UGT2B28: variants seen among roughly 807,000 people sequenced by gnomAD.
The protein encoded by UGT2B28 is UDP-glucuronosyltransferase 2B28.
In UGT2B28, 45 loss-of-function variants were observed where a neutral mutation model predicts 43.6. That is an observed-to-expected ratio of 1.03 (90% CI 0.81 to 1.32). UGT2B28 has a LOEUF of 1.32. Ranked by LOEUF, UGT2B28 falls within the 40% of genes most tolerant of loss-of-function variation. The pLI is 0.00. For missense variants in UGT2B28, 649 were observed against 625.5 expected, an observed-to-expected ratio of 1.04 and a Z score of -0.40; for synonymous variants, 204 against 208.1, an observed-to-expected ratio of 0.98 and a Z score of 0.17.
At chr4:69,286,707 T>C in intron 2 of UGT2B28, 45 bp from the exon 3 acceptor site, 1 of 1,543,168 alleles carries the variant, frequency 6.5e-7, no homozygotes, top group Non-Finnish European at 8.7e-7. Flanking sequence ...TAGTAGTGCC[T>C]GCTGTGGTGA....
chr4:69,284,707 A>G lies in UGT2B28; in HGVS notation c.870+2045A>G, dbSNP rs1295623450. 1.4e-5 allele frequency among the ~76,000 whole-genome samples: 2 copies of G among 140,754 alleles called. 1 individual carries two copies. The highest frequency in any genetic ancestry group is 3.0e-5 in the Non-Finnish European group (2 of 65,804). The allele number at this position is 140,754 out of a possible 152,430, so 92.3% of individuals were successfully genotyped here. A position where few individuals can be genotyped will look rare whatever the true frequency, so the allele number is the denominator to read the frequency against. Reference sequence around the variant, plus strand: ...ATACTAGGTCTTGTTATTAACTTGCAGAAAGTTTTGAATGCAAGTCAATGG... The same window carrying G: ...ATACTAGGTCTTGTTATTAACTTGCGGAAAGTTTTGAATGCAAGTCAATGG... On this transcript the variant is annotated intron_variant, in intron 2 of 5. Coordinates refer to ENST00000335568, the MANE Select transcript of UGT2B28 (RefSeq NM_053039.2).
At chr4:69,287,761 G>C (rs2109690874) in intron 3 of UGT2B28, among the ~76,000 whole-genome samples, 1 of 140,466 alleles carries the variant, frequency 7.1e-6, no homozygotes, top group East Asian at 2.0e-4. Context: ...ATAGAACATA[G>C]TAGGAATGTA....
In UGT2B28 at chr4:69,286,774, G is replaced by A; in HGVS notation, c.893G>A (p.Ser298Asn). The change falls in exon 3 of 6, where the codon AGC becomes AAC. Residue 298 changes from serine to asparagine, a missense_variant. Ser to Asn is a conservative substitution (Grantham distance 46). Transcript: ENST00000335568. The part of the protein sequence containing the change: ...LPKEMEEFVQ[S>N]SGENGVVVFS... ...CAGGAAATGGAGGAATTTGTACAGA[G>A]CTCTGGTGAAAATGGTGTTGTGGTG... 1 of 1,555,734 alleles carries A rather than the reference G, an allele frequency of 6.4e-7. No homozygotes were observed. Among genetic ancestry groups the A allele is most frequent in the Non-Finnish European group, 8.7e-7 (1 of 1,154,386 alleles).
chr4:69,281,048 AC>A lies in UGT2B28; in HGVS notation c.549del (p.His183GlnfsTer5), dbSNP rs1277485825. ...ACTCCTGGCTACACAATTGAAAGGC[AC>A]AGTGGAGGACTGATTTTCCCTCCTT... ...CFTPGYTIER[H>X]SGGLIFPPSY... On this transcript the variant is annotated frameshift_variant, in exon 1 of 6. Coordinates refer to ENST00000335568, the MANE Select transcript of UGT2B28 (RefSeq NM_053039.2). LOFTEE classifies it high-confidence loss of function. 2 of 1,559,388 alleles carry A rather than the reference AC, an allele frequency of 1.3e-6. No individual in the cohort carries two copies. Among genetic ancestry groups the A allele is most frequent in the Admixed American group, 3.6e-5 (2 of 56,226 alleles).
chr4:69,288,775 T>C lies in UGT2B28; in HGVS notation c.1003-890T>C, dbSNP rs1221454015. Among the ~76,000 whole-genome samples, 23 of 139,518 alleles carry C rather than the reference T, an allele frequency of 1.6e-4. 4 individuals are homozygous for C. The highest frequency in any genetic ancestry group is 2.2e-4 in the Admixed American group (3 of 13,856). The allele number at this position is 139,518 out of a possible 152,430, so 91.5% of individuals were successfully genotyped here. Reference sequence around the variant, plus strand: ...CCACCATCCTATACATCTCAGTGTATGTTGTTGCCATCTATGTATCCACGT... The same window carrying C: ...CCACCATCCTATACATCTCAGTGTACGTTGTTGCCATCTATGTATCCACGT... On this transcript the variant is annotated intron_variant, in intron 3 of 5. Transcript: ENST00000335568.
Position 69,287,609 on chromosome 4 carries a change from A to C in UGT2B28, c.1002+726A>C, listed in dbSNP as rs190305356. Among the ~76,000 whole-genome samples, 10 of 140,172 alleles carry C rather than the reference A, an allele frequency of 7.1e-5. 1 individual carries two copies. Among genetic ancestry groups the C allele is most frequent in the East Asian group, 6.2e-4 (3 of 4,858 alleles). The allele number at this position is 140,172 out of a possible 152,430, so 92.0% of individuals were successfully genotyped here. A position where few individuals can be genotyped will look rare whatever the true frequency, so the allele number is the denominator to read the frequency against. The stretch of plus-strand genomic sequence containing the variant: ...ATCCTGACCTGAAGGTGGATCCTGT[A>C]CAGTATAAAATATGGTCCCACAAGG... On this transcript the variant is annotated intron_variant, in intron 3 of 5. Coordinates refer to ENST00000335568, the MANE Select transcript of UGT2B28 (RefSeq NM_053039.2).
chr4:69,291,985 A>T (rs1190038384), intron 5 of UGT2B28, among the ~76,000 whole-genome samples: 1 of 140,480 alleles, frequency 7.1e-6, no homozygotes, highest in Non-Finnish European at 1.5e-5. Context: ...GAGAACATTT[A>T]TAAGTGCTTA....
Position 69,290,301 on chromosome 4 carries a change from A to T in UGT2B28, c.1091-291A>T, listed in dbSNP as rs1406707108. ...AGCACCTAAAATAAAACTTTATTTC[A>T]TGCCCATCTCTTTGCTGTCCTCTTT... On this transcript the variant is annotated intron_variant, in intron 4 of 5. Coordinates refer to ENST00000335568, the MANE Select transcript of UGT2B28 (RefSeq NM_053039.2). 7.9e-5 allele frequency among the ~76,000 whole-genome samples: 11 copies of T among 139,766 alleles called. 1 individual carries two copies. In the Admixed American group the frequency reaches 7.9e-4, roughly 10 times the overall value. 91.7% of individuals were successfully genotyped at this position (139,766 alleles called of 152,430 possible). A position where few individuals can be genotyped will look rare whatever the true frequency, so the allele number is the denominator to read the frequency against.
chr4:69,286,820 A>C lies in UGT2B28; in HGVS notation c.939A>C (p.Ile313=), dbSNP rs1252190436. Residue 313 remains isoleucine, a synonymous_variant, in exon 3 of 6, where the codon ATA becomes ATC. Coordinates refer to ENST00000335568, the MANE Select transcript of UGT2B28 (RefSeq NM_053039.2). ...GVVVFSLGSV[I]SNMTAERANV... is the part of the protein sequence containing the mutation. ...TGGTGTTTTCTCTGGGGTCAGTGAT[A>C]AGTAACATGACAGCAGAAAGGGCCA... 8 of 1,557,010 alleles carry C rather than the reference A, an allele frequency of 5.1e-6. 1 individual carries two copies. The South Asian group carries it at 7.1e-5, about 14-fold the overall frequency.
chr4:69,281,937 AT>A (rs1333961370), intron 1 of UGT2B28, among the ~76,000 whole-genome samples: 1 of 140,436 alleles, frequency 7.1e-6, no homozygotes, highest in Non-Finnish European at 1.5e-5. Context: ...TTTCTCAAAA[AT>A]TTCTAGCTAT....
rs1228937692 is a variant in UGT2B28, at chr4:69,284,261, GA to G, written c.870+1607del. On this transcript the variant is annotated intron_variant, in intron 2 of 5. Coordinates refer to ENST00000335568, the MANE Select transcript of UGT2B28 (RefSeq NM_053039.2). ...TGAATAGTGCCCTTAGTTTCAATAC[GA>G]AAAAAAATTCTGTCAGCATATAAGA... 1.0e-4 allele frequency among the ~76,000 whole-genome samples: 14 copies of G among 138,762 alleles called. 2 individuals are homozygous for G. Among genetic ancestry groups the G allele is most frequent in the South Asian group, 7.2e-4 (3 of 4,170 alleles). 91.0% of individuals were successfully genotyped at this position (138,762 alleles called of 152,430 possible).
chr4:69,292,319 A>C lies in UGT2B28; in HGVS notation c.1310+1508A>C, dbSNP rs1213421216. 1.4e-5 allele frequency among the ~76,000 whole-genome samples: 2 copies of C among 140,298 alleles called. 1 individual carries two copies. The highest frequency in any genetic ancestry group is 5.6e-5 in the African/African-American group (2 of 35,984). The allele number at this position is 140,298 out of a possible 152,430, so 92.0% of individuals were successfully genotyped here. A position where few individuals can be genotyped will look rare whatever the true frequency, so the allele number is the denominator to read the frequency against. On this transcript the variant is annotated intron_variant, in intron 5 of 5. Transcript: ENST00000335568. ...CCACATTTATAACTACTCTCAATAA[A>C]GTTTTTGTGTAAGGAGGGTATCATC...
At chr4:69,290,078 T>C (rs1723908126) in intron 4 of UGT2B28, among the ~76,000 whole-genome samples, 1 of 140,194 alleles carries the variant, frequency 7.1e-6, no homozygotes, top group Non-Finnish European at 1.5e-5. Flanking sequence ...TCCTGCAGGT[T>C]TATTTCAAAT....
At chr4:69,281,252 A>T (rs1470382536) in intron 1 of UGT2B28, 31 bp downstream of exon 1, 2 of 1,465,646 alleles carry the variant, frequency 1.4e-6, no homozygotes, top group African/African-American at 1.6e-5. Flanking sequence ...GAACTTGAAG[A>T]TCTAACTTAT....
intron 3 of UGT2B28, among the ~76,000 whole-genome samples, chr4:69,288,495 C>T (rs947782257): frequency 7.2e-6 from 1 of 139,582 alleles, no homozygotes; most frequent in Non-Finnish European, 1.5e-5. Context: ...TAGGTCATTA[C>T]TAAATAGTTA....
rs539006361 is a variant in UGT2B28 at position 69,294,618 on chromosome 4, G to T, written c.1399G>T (p.Val467Leu). 155 of 1,551,566 alleles carry T rather than the reference G, an allele frequency of 1.0e-4. 31 individuals are homozygous for T. In the South Asian group the frequency reaches 1.7e-3, roughly 17 times the overall value. ...LHRAVFWIEF[V>L]MCHKGAKHLR... ...TCGAGCAGTCTTCTGGATTGAATTT[G>T]TGATGTGCCACAAAGGAGCCAAACA... is the stretch of plus-strand genomic sequence containing the variant. Residue 467 changes from valine (V) to leucine (L), a missense_variant, in exon 6 of 6, where the codon GTG (valine) becomes TTG (leucine). Transcript: ENST00000335568.
In UGT2B28 at chr4:69,287,033, C is replaced by A. The variant is rs563115462; in HGVS notation, c.1002+150C>A. ...TTGTGTAGCTTCCACCGACACAAGT[C>A]ATAGTTGTGCCTCAGACTTAGTGGT... On this transcript the variant is annotated intron_variant, in intron 3 of 5. Transcript: ENST00000335568. 3.8e-4 allele frequency: 520 copies of A among 1,351,480 alleles called. 49 individuals are homozygous for A. The highest frequency in any genetic ancestry group is 9.6e-4 in the Admixed American group (33 of 34,530). The allele number at this position is 1,351,480 out of a possible 1,614,324, so 83.7% of individuals were successfully genotyped here. A position where few individuals can be genotyped will look rare whatever the true frequency, so the allele number is the denominator to read the frequency against.
intron 2 of UGT2B28, 74 bp from the exon 3 acceptor site, chr4:69,286,678 A>G (rs1236799321): frequency 6.8e-7 from 1 of 1,476,416 alleles, no homozygotes; most frequent in African/African-American, 1.6e-5. Context: ...TCTCTCTTTA[A>G]TATTTGGTAC....
intron 3 of UGT2B28, among the ~76,000 whole-genome samples, chr4:69,288,262 A>G (rs1723838318): frequency 7.2e-6 from 1 of 139,826 alleles, no homozygotes; most frequent in Non-Finnish European, 1.5e-5. Flanking sequence ...TGTAATTCCA[A>G]TGAAGTTATA....
Sources: gnomAD v4.1 joint callset for allele counts (sites outside exome capture counted in the v4.1 genomes callset) on GRCh38, gnomAD v4.1.1 for gene constraint, MANE v1.5 for transcripts, NCBI Gene and HGNC (gene_info 2026-07-23, HGNC 2026-07-21) for gene names.